ADIPOR2: variants seen among roughly 807,000 people sequenced by gnomAD.
The protein encoded by ADIPOR2 is adiponectin receptor protein 2.
A neutral mutation model predicts 40.9 loss-of-function variants in ADIPOR2; 18 were observed. That is an observed-to-expected ratio of 0.44 (90% CI 0.30 to 0.65). The LOEUF (loss-of-function observed/expected upper bound fraction) is 0.65. ADIPOR2 is among the 30% of genes least tolerant of loss of function. The probability of loss-of-function intolerance (pLI) is 0.09; values close to 1 mark genes in which losing one functional copy is unlikely to be tolerated. For synonymous variants in ADIPOR2, 165 were observed against 166.4 expected (o/e 0.99, Z 0.06); for missense variants, 283 against 479.2 (o/e 0.59, Z 3.82).
At chr12:1,727,172 C>G (rs891757368) in intron 1 of ADIPOR2, among the ~76,000 whole-genome samples, 27 of 152,170 alleles carry the variant, frequency 1.8e-4, no homozygotes, top group Non-Finnish European at 3.8e-4. Flanking sequence ...TTCACCATTT[C>G]TTTTAGGCAG....
At chr12:1,738,059 G>A (rs1009744863) in intron 1 of ADIPOR2, among the ~76,000 whole-genome samples, 4 of 151,896 alleles carry the variant, frequency 2.6e-5, no homozygotes, top group African/African-American at 9.7e-5. Flanking sequence ...TTACTCTCTT[G>A]TACTCCTACC....
At chr12:1,714,054 C>T (rs1305823315) in intron 1 of ADIPOR2, among the ~76,000 whole-genome samples, 1 of 152,100 alleles carries the variant, frequency 6.6e-6, no homozygotes, top group Non-Finnish European at 1.5e-5. Flanking sequence ...CCCAGAGAAC[C>T]TTTGTCCTTT....
chr12:1,784,325 TATG>T (rs1410829406), intron 7 of ADIPOR2, among the ~76,000 whole-genome samples: 2 of 152,244 alleles, frequency 1.3e-5, no homozygotes, highest in African/African-American at 4.8e-5. Context: ...CCCTATGTGG[TATG>T]ATAACTCTTG....
chr12:1,748,286 T>C (rs1261848494), intron 1 of ADIPOR2, among the ~76,000 whole-genome samples: 1 of 152,158 alleles, frequency 6.6e-6, no homozygotes, highest in Non-Finnish European at 1.5e-5. Flanking sequence ...TCTCTCTCTG[T>C]CGCCCAGGCT....
intron 1 of ADIPOR2, among the ~76,000 whole-genome samples, chr12:1,752,449 A>G (rs1037772713): frequency 2.0e-5 from 3 of 152,026 alleles, no homozygotes; most frequent in African/African-American, 4.8e-5. Flanking sequence ...TCTACTTGCT[A>G]CAGCTTCAGC....
At chr12:1,757,892 C>T (rs1208799277) in intron 2 of ADIPOR2, 29 of 819,318 alleles carry the variant, frequency 3.5e-5, no homozygotes, top group Non-Finnish European at 6.3e-5. Context: ...TGGGGAGACA[C>T]TCTCTCAACT....
At chr12:1,713,627 C>T (rs1277834177) in intron 1 of ADIPOR2, among the ~76,000 whole-genome samples, 2 of 152,134 alleles carry the variant, frequency 1.3e-5, no homozygotes, top group East Asian at 3.9e-4. Context: ...TCCCCATATT[C>T]ATGTAGATAA....
chr12:1,772,434 G>A (rs1565656204), intron 2 of ADIPOR2, among the ~76,000 whole-genome samples: 1 of 152,040 alleles, frequency 6.6e-6, no homozygotes, highest in Non-Finnish European at 1.5e-5. Flanking sequence ...TTCTTTCTCT[G>A]CCACTAGAGT....
chr12:1,744,761 A>T (rs187684483), intron 1 of ADIPOR2, among the ~76,000 whole-genome samples: 10 of 152,370 alleles, frequency 6.6e-5, no homozygotes, highest in African/African-American at 2.4e-4. Context: ...TTATCTTTGG[A>T]TAGATATGAG....
intron 6 of ADIPOR2, among the ~76,000 whole-genome samples, chr12:1,782,095 T>G (rs947231931): frequency 6.6e-6 from 1 of 152,250 alleles, no homozygotes; most frequent in Non-Finnish European, 1.5e-5. Flanking sequence ...TAGCAGCCTT[T>G]GCTTAGCATG....
intron 1 of ADIPOR2, among the ~76,000 whole-genome samples, chr12:1,725,459 T>C (rs1037829187): frequency 6.6e-6 from 1 of 152,114 alleles, no homozygotes; most frequent in Non-Finnish European, 1.5e-5. Context: ...ATAAATCAAT[T>C]CCCTGAAAAA....
intron 1 of ADIPOR2, among the ~76,000 whole-genome samples, chr12:1,731,483 C>G (rs561040817): frequency 1.3e-5 from 2 of 152,294 alleles, no homozygotes; most frequent in South Asian, 4.1e-4. Context: ...CAATCAGAAA[C>G]TATGCGCATT....
chr12:1,732,199 A>G (rs776134345), intron 1 of ADIPOR2, among the ~76,000 whole-genome samples: 29 of 152,306 alleles, frequency 1.9e-4, no homozygotes, highest in Middle Eastern at 3.4e-3. Flanking sequence ...ATAGTTTTGC[A>G]TTAGGGTTCA....
chr12:1,708,186 G>GT (rs34873246), intron 1 of ADIPOR2, among the ~76,000 whole-genome samples: 58,973 of 144,992 alleles, frequency 0.41, 13,171 homozygotes, highest in Non-Finnish European at 0.52. Context: ...GCAAATATGG[G>GT]TTTTTTTTTT....
intron 4 of ADIPOR2, chr12:1,780,052 T>C (rs1286465155): frequency 1.3e-5 from 2 of 155,658 alleles, no homozygotes; most frequent in Admixed American, 1.3e-4. Flanking sequence ...GAATTCATTG[T>C]AAAAACAAAA....
intron 6 of ADIPOR2, among the ~76,000 whole-genome samples, chr12:1,782,976 C>CT (rs71055199): frequency 0.016 from 1,724 of 109,398 alleles, 81 homozygotes; most frequent in African/African-American, 0.031. Context: ...TTCTTTCTTT[C>CT]TTTTTTTTTT....
Position 1,744,699 on chromosome 12 carries a change from C to T in ADIPOR2, c.-86-9559C>T, listed in dbSNP as rs183075600. On this transcript the variant is annotated intron_variant, in intron 1 of 7. Coordinates refer to ENST00000357103, the MANE Select transcript of ADIPOR2 (RefSeq NM_024551.3). ...GTAATAAAAGCACTATTTTAATGTT[C>T]GGAACTATTTTCATTATTTGCTAAC... Among the ~76,000 whole-genome samples the T allele has an allele frequency of 4.6e-3, 693 of 152,180 alleles. 5 individuals are homozygous for T. The highest frequency in any genetic ancestry group is 0.015 in the African/African-American group (618 of 41,508).
At position 1,726,668 on chromosome 12, in the gene ADIPOR2, C is replaced by CTT. The variant is rs35978313; in HGVS notation, c.-86-27581_-86-27580dup. On this transcript the variant is annotated intron_variant, in intron 1 of 7. Coordinates refer to ENST00000357103, the MANE Select transcript of ADIPOR2 (RefSeq NM_024551.3). ...TGCTTGTCCTCACTCCTTTGTACAG[C>CTT]TTTTTTTTTTAAAGGATTTTATCCA... Among the ~76,000 whole-genome samples, 142 of 150,196 alleles carry CTT rather than the reference C, an allele frequency of 9.5e-4. 2 individuals are homozygous for CTT. The South Asian group carries it at 0.015, about 16-fold the overall frequency.
chr12:1,742,895 C>T (rs2094746004), intron 1 of ADIPOR2, among the ~76,000 whole-genome samples: 1 of 152,132 alleles, frequency 6.6e-6, no homozygotes, highest in South Asian at 2.1e-4. Context: ...CCTTCTTTTA[C>T]TTTAGGATTC....
Sources: allele counts gnomAD v4.1 joint callset (sites outside exome capture counted in the v4.1 genomes callset), GRCh38; gene constraint gnomAD v4.1.1; transcripts MANE v1.5; gene names NCBI Gene and HGNC (gene_info 2026-07-23, HGNC 2026-07-21).